The following PTPRD variants were observed in gnomAD, a reference collection of about 807,000 sequenced individuals.
PTPRD encodes protein tyrosine phosphatase receptor type D, also known as receptor-type tyrosine-protein phosphatase delta.
PTPRD carries 34 observed loss-of-function variants against 214.5 expected under a neutral mutation model. The observed-to-expected ratio is 0.16, with a 90% CI of 0.12 to 0.21. PTPRD has a LOEUF of 0.21. PTPRD is among the 10% of genes least tolerant of loss of function. The pLI, the probability that PTPRD is intolerant of heterozygous loss-of-function variation, is 1.00. For synonymous variants in PTPRD, 1,128 were observed against 845.7 expected (o/e 1.33, Z -5.79); for missense variants, 2,545 against 2,398.7 (o/e 1.06, Z -1.27).
intron 11 of PTPRD, among the ~76,000 whole-genome samples, chr9:8,934,470 TATATATAAATATATATATATATAA>T (rs1567099578): frequency 2.7e-4 from 4 of 14,706 alleles, no homozygotes; most frequent in African/African-American, 1.1e-3. Flanking sequence ...TATAAATATA[TATATATAAATATATATATATATAA>T]ATATATATAT....
intron 8 of PTPRD, among the ~76,000 whole-genome samples, chr9:9,492,382 G>GA (rs899164974): frequency 2.0e-5 from 3 of 147,794 alleles, no homozygotes; most frequent in Admixed American, 2.0e-4. Flanking sequence ...AAATGAAGAG[G>GA]AAAAAACACT....
intron 9 of PTPRD, among the ~76,000 whole-genome samples, chr9:9,297,256 A>T (rs553070161): frequency 6.6e-6 from 1 of 151,838 alleles, no homozygotes; most frequent in African/African-American, 2.4e-5. Context: ...TAAAATAATG[A>T]TAATTAAAAT....
chr9:10,199,099 T>C (rs901751563), intron 3 of PTPRD, among the ~76,000 whole-genome samples: 1 of 151,950 alleles, frequency 6.6e-6, no homozygotes, highest in Non-Finnish European at 1.5e-5. Flanking sequence ...TTTCATGGTA[T>C]AGAAGAGAGA....
intron 11 of PTPRD, among the ~76,000 whole-genome samples, chr9:8,866,365 C>G (rs895974362): frequency 6.6e-6 from 1 of 152,118 alleles, no homozygotes; most frequent in South Asian, 2.1e-4. Flanking sequence ...CTTTCTAACA[C>G]AAGTATCTCT....
intron 10 of PTPRD, among the ~76,000 whole-genome samples, chr9:9,140,634 A>G (rs989890341): frequency 6.6e-6 from 1 of 152,320 alleles, no homozygotes; most frequent in Non-Finnish European, 1.5e-5. Context: ...GCTGGAGTGC[A>G]GAGGCGCGAT....
At chr9:10,327,532 CTATAT>C (rs959268034) in intron 3 of PTPRD, among the ~76,000 whole-genome samples, 3 of 151,396 alleles carry the variant, frequency 2.0e-5, no homozygotes, top group Admixed American at 1.3e-4. Flanking sequence ...CTAGAATATT[CTATAT>C]TATATCATTG....
chr9:8,999,392 A>T (rs545394948), intron 11 of PTPRD, among the ~76,000 whole-genome samples: 1 of 152,152 alleles, frequency 6.6e-6, no homozygotes, highest in Non-Finnish European at 1.5e-5. Context: ...CACTAGCAAA[A>T]AGATTATGAC....
At chr9:9,155,108 T>C (rs996037462) in intron 10 of PTPRD, among the ~76,000 whole-genome samples, 1 of 152,178 alleles carries the variant, frequency 6.6e-6, no homozygotes, top group African/African-American at 2.4e-5. Flanking sequence ...GTTTCTTATG[T>C]AGTACGAAAT....
chr9:8,823,241 T>C (rs976361155), intron 11 of PTPRD, among the ~76,000 whole-genome samples: 7 of 152,170 alleles, frequency 4.6e-5, no homozygotes, highest in Non-Finnish European at 8.8e-5. Context: ...TGTTCAGTGT[T>C]CCACTGAACC....
intron 11 of PTPRD, among the ~76,000 whole-genome samples, chr9:8,994,044 A>G (rs773134393): frequency 1.8e-4 from 28 of 152,116 alleles, no homozygotes; most frequent in Non-Finnish European, 4.0e-4. Flanking sequence ...TTTTACCCAC[A>G]ATGTAGGATT....
chr9:9,873,239 C>A (rs942190205), intron 5 of PTPRD, among the ~76,000 whole-genome samples: 6 of 152,080 alleles, frequency 3.9e-5, no homozygotes, highest in Non-Finnish European at 7.4e-5. Context: ...ACTGTTCTAA[C>A]CTTTCATGTA....
chr9:10,274,456 A>G (rs994786556), intron 3 of PTPRD, among the ~76,000 whole-genome samples: 1 of 152,170 alleles, frequency 6.6e-6, no homozygotes, highest in African/African-American at 2.4e-5. Context: ...AGTGCATATA[A>G]ATTCTTCGAG....
intron 11 of PTPRD, among the ~76,000 whole-genome samples, chr9:8,965,438 T>A (rs913648826): frequency 2.6e-5 from 4 of 152,058 alleles, no homozygotes; most frequent in Non-Finnish European, 5.9e-5. Context: ...AGTGAAGTGT[T>A]GAAGTCCCCC....
chr9:8,704,227 T>G (rs2098150552), intron 12 of PTPRD, among the ~76,000 whole-genome samples: 2 of 151,872 alleles, frequency 1.3e-5, no homozygotes, highest in Admixed American at 1.3e-4. Context: ...TTGTGCAGGG[T>G]TGGCTGCCTT....
chr9:9,646,838 C>A (rs569150562), intron 7 of PTPRD, among the ~76,000 whole-genome samples: 1 of 152,174 alleles, frequency 6.6e-6, no homozygotes, highest in African/African-American at 2.4e-5. Context: ...AAGAATAGAA[C>A]AATTATAAAA....
intron 7 of PTPRD, among the ~76,000 whole-genome samples, chr9:9,658,628 G>T (rs901192566): frequency 6.6e-6 from 1 of 152,058 alleles, no homozygotes; most frequent in Non-Finnish European, 1.5e-5. Context: ...GGCAGAGAAG[G>T]TTATATGCTA....
intron 11 of PTPRD, among the ~76,000 whole-genome samples, chr9:8,853,834 T>C (rs1426022293): frequency 5.3e-5 from 8 of 152,136 alleles, no homozygotes; most frequent in African/African-American, 1.9e-4. Context: ...CCATCACAAG[T>C]AAGCAGCTTT....
chr9:10,430,566 A>G (rs1177289804), intron 2 of PTPRD, among the ~76,000 whole-genome samples: 1 of 151,966 alleles, frequency 6.6e-6, no homozygotes, highest in Non-Finnish European at 1.5e-5. Context: ...ACACAATGCT[A>G]ATATTTTGAT....
At chr9:10,357,955 A>G (rs1180623102) in intron 2 of PTPRD, among the ~76,000 whole-genome samples, 1 of 152,154 alleles carries the variant, frequency 6.6e-6, no homozygotes, top group East Asian at 1.9e-4. Context: ...AGCAATATTG[A>G]CCAAATTGAT....
Sources: gnomAD v4.1 joint callset for allele counts (sites outside exome capture counted in the v4.1 genomes callset) on GRCh38, gnomAD v4.1.1 for gene constraint, MANE v1.5 for transcripts, NCBI Gene and HGNC (gene_info 2026-07-23, HGNC 2026-07-21) for gene names.